AJAP1: variants seen among roughly 807,000 people sequenced by gnomAD.
The protein encoded by AJAP1 is adherens junctions associated protein 1, also known as adherens junction-associated protein 1.
AJAP1 carries 5 observed loss-of-function variants against 35.0 expected under a neutral mutation model. The observed-to-expected ratio is 0.14, with a 90% CI of 0.07 to 0.30. The LOEUF is 0.30. Ranked by LOEUF, AJAP1 falls within the 10% of genes least tolerant of loss-of-function variation. The pLI, the probability that AJAP1 is intolerant of heterozygous loss-of-function variation, is 1.00. For missense variants in AJAP1, 586 were observed against 571.0 expected, an observed-to-expected ratio of 1.03 and a Z score of -0.27; for synonymous variants, 284 against 249.3, an observed-to-expected ratio of 1.14 and a Z score of -1.31.
intron 2 of AJAP1, among the ~76,000 whole-genome samples, chr1:4,760,891 G>A (rs1286363446): frequency 6.6e-6 from 1 of 152,182 alleles, no homozygotes; most frequent in African/African-American, 2.4e-5. Flanking sequence ...GATTCTTGGG[G>A]TCCTGTAGGC....
intron 2 of AJAP1, among the ~76,000 whole-genome samples, chr1:4,746,548 C>T (rs1019845406): frequency 1.3e-5 from 2 of 152,188 alleles, no homozygotes; most frequent in Non-Finnish European, 2.9e-5. Flanking sequence ...ACATGGTAAC[C>T]CCTTATCAGC....
chr1:4,700,689 A>G (rs1050747226), intron 1 of AJAP1, among the ~76,000 whole-genome samples: 1 of 152,094 alleles, frequency 6.6e-6, no homozygotes, highest in African/African-American at 2.4e-5. Context: ...CCAGTCTGGG[A>G]ACTTTGTCCG....
chr1:4,693,847 A>G lies in AJAP1; in HGVS notation c.30-18053A>G, dbSNP rs1639798045. ...ATCAGGAACCCACTTGGGGGAGATA[A>G]TGGCATTCAGCCATTCAAGGGGGCA... On this transcript the variant is annotated intron_variant, in intron 1 of 5. Transcript: ENST00000378191. This position sits in a 1 kb window ranked among gnomAD's most constrained non-coding sequence, Gnocchi z 4.4. Among the ~76,000 whole-genome samples, 2 of 152,142 alleles carry G rather than the reference A, an allele frequency of 1.3e-5. No individual in the cohort carries two copies. The highest frequency in any genetic ancestry group is 1.5e-5 in the Non-Finnish European group (1 of 68,026).
intron 2 of AJAP1, among the ~76,000 whole-genome samples, chr1:4,743,533 C>T (rs969442012): frequency 6.6e-6 from 1 of 152,112 alleles, no homozygotes; most frequent in Non-Finnish European, 1.5e-5. Context: ...CGTATGTGTC[C>T]GCGTTCATTC....
rs540106790 is a variant in AJAP1, at chr1:4,712,624, A to G, written c.754A>G (p.Thr252Ala). 43 of 1,578,130 alleles carry G rather than the reference A, an allele frequency of 2.7e-5. 2 individuals carry two copies. In the South Asian group the frequency reaches 4.8e-4, roughly 18 times the overall value. Residue 252 changes from threonine (T) to alanine (A), a missense_variant, in exon 2 of 6, where the codon ACA becomes GCA. Transcript: ENST00000378191. Reference sequence around the variant, plus strand: ...GAGAAGGATCCCAGGTGGGGTTAGCACAACGGAGCCTTCCACCAGTCCCAG... The same window carrying G: ...GAGAAGGATCCCAGGTGGGGTTAGCGCAACGGAGCCTTCCACCAGTCCCAG... The part of the protein sequence containing the change: ...PRRRIPGGVS[T>A]TEPSTSPSNN...
At chr1:4,668,911 C>G (rs1297997173) in intron 1 of AJAP1, among the ~76,000 whole-genome samples, 1 of 152,160 alleles carries the variant, frequency 6.6e-6, no homozygotes, top group Non-Finnish European at 1.5e-5. Flanking sequence ...CCCAGTGAGT[C>G]ACAAGTAGGT....
intron 1 of AJAP1, among the ~76,000 whole-genome samples, chr1:4,663,698 G>GCTGGTATCGGGAGCAGAGA (rs60584333): frequency 1.3e-5 from 2 of 151,772 alleles, no homozygotes; most frequent in Non-Finnish European, 1.5e-5. Context: ...CAAGTTGTTA[G>GCTGGTATCGGGAGCAGAGA]CTGCCCAGAC....
chr1:4,769,706 C>T (rs957649831), intron 2 of AJAP1, 147 bp from the exon 3 acceptor site: 14 of 722,050 alleles, frequency 1.9e-5, no homozygotes, highest in Non-Finnish European at 3.5e-5. Context: ...GAACTGAGCA[C>T]CTGTCATGCT....
Position 4,693,167 on chromosome 1 carries a change from A to G in AJAP1, c.30-18733A>G, listed in dbSNP as rs1463394063. Among the ~76,000 whole-genome samples the G allele has an allele frequency of 6.6e-6, 1 of 151,994 alleles. No homozygotes were observed. The highest frequency in any genetic ancestry group is 1.5e-5 in the Non-Finnish European group (1 of 67,998). On this transcript the variant is annotated intron_variant, in intron 1 of 5. Coordinates refer to ENST00000378191, the MANE Select transcript of AJAP1 (RefSeq NM_018836.4). This position sits in a 1 kb window ranked among gnomAD's most constrained non-coding sequence, Gnocchi z 4.4. ...GGGAGAAACCGAGGAAACCTTGGAG[A>G]AGCCCCCATGAAGGCCCCATGCTGC...
intron 2 of AJAP1, among the ~76,000 whole-genome samples, chr1:4,752,319 A>G (rs1300206213): frequency 6.6e-6 from 1 of 152,034 alleles, no homozygotes; most frequent in Non-Finnish European, 1.5e-5. Context: ...TTCCCCAGGA[A>G]AGATGTCCAG....
intron 1 of AJAP1, among the ~76,000 whole-genome samples, chr1:4,687,251 A>G (rs1432186747): frequency 6.6e-6 from 1 of 152,218 alleles, no homozygotes; most frequent in African/African-American, 2.4e-5. Flanking sequence ...GGCACTCGCT[A>G]TGTAGTGAGA....
chr1:4,697,720 C>T (rs1378594050), intron 1 of AJAP1, among the ~76,000 whole-genome samples: 1 of 152,222 alleles, frequency 6.6e-6, no homozygotes, highest in Non-Finnish European at 1.5e-5. Context: ...CGTGTCTGTC[C>T]CTGAGGGTGT....
chr1:4,666,178 G>A (rs1296323712), intron 1 of AJAP1, among the ~76,000 whole-genome samples: 1 of 150,476 alleles, frequency 6.6e-6, no homozygotes, highest in Non-Finnish European at 1.5e-5. Flanking sequence ...CAGTGAAATA[G>A]CCCACTGAGG....
At chr1:4,755,079 G>A (rs1010889284) in intron 2 of AJAP1, among the ~76,000 whole-genome samples, 10 of 152,280 alleles carry the variant, frequency 6.6e-5, no homozygotes, top group East Asian at 1.9e-4. Context: ...CCATGGAGCC[G>A]TGGTTGGGTG....
intron 2 of AJAP1, among the ~76,000 whole-genome samples, chr1:4,756,619 C>T (rs1641438309): frequency 1.3e-5 from 2 of 152,188 alleles, no homozygotes; most frequent in African/African-American, 4.8e-5. Flanking sequence ...GAGACTACAT[C>T]CTGCTGAGTT....
intron 1 of AJAP1, among the ~76,000 whole-genome samples, chr1:4,705,475 C>A (rs1640083047): frequency 7.7e-6 from 1 of 129,114 alleles, no homozygotes. Flanking sequence ...TGCTTAGTGA[C>A]CTGCTTCCAA....
chr1:4,778,988 A>G (rs381304), intron 5 of AJAP1, among the ~76,000 whole-genome samples: 70,286 of 152,120 alleles, frequency 0.46, 16,712 homozygotes, highest in Middle Eastern at 0.67. Context: ...CGTTCTCAGG[A>G]GGCTGTGCTG....
At chr1:4,703,381 C>G (rs1187683804) in intron 1 of AJAP1, among the ~76,000 whole-genome samples, 1 of 152,028 alleles carries the variant, frequency 6.6e-6, no homozygotes, top group African/African-American at 2.4e-5. Flanking sequence ...CTGCACCGTC[C>G]TGGTGGTGAC....
chr1:4,694,468 G>C (rs1425621696), intron 1 of AJAP1, among the ~76,000 whole-genome samples: 1 of 152,248 alleles, frequency 6.6e-6, no homozygotes, highest in African/African-American at 2.4e-5. Flanking sequence ...CCCTGGGCCT[G>C]TTCTGCTCCT....
Sources: allele counts gnomAD v4.1 joint callset (sites outside exome capture counted in the v4.1 genomes callset), GRCh38; gene constraint gnomAD v4.1.1; non-coding constraint Gnocchi (gnomAD v3.1); transcripts MANE v1.5; gene names NCBI Gene and HGNC (gene_info 2026-07-23, HGNC 2026-07-21).